The following PLCH1 variants were observed in gnomAD, a reference collection of about 807,000 sequenced individuals.
PLCH1 encodes the protein 1-phosphatidylinositol 4,5-bisphosphate phosphodiesterase eta-1.
PLCH1 carries 60 observed loss-of-function variants against 126.7 expected under a neutral mutation model. The observed-to-expected ratio is 0.47, with a 90% confidence interval of 0.38 to 0.59. PLCH1 has a LOEUF of 0.59. PLCH1 is among the 20% of genes least tolerant of loss of function. The pLI, the probability that PLCH1 is intolerant of heterozygous loss-of-function variation, is 0.00. For synonymous variants in PLCH1, 719 were observed against 734.9 expected (o/e 0.98, Z 0.35); for missense variants, 1,723 against 2,040.0 (o/e 0.84, Z 2.99).
intron 12 of PLCH1, among the ~76,000 whole-genome samples, chr3:155,513,256 A>G (rs142501197): frequency 6.6e-6 from 1 of 152,338 alleles, no homozygotes; most frequent in African/African-American, 2.4e-5. Flanking sequence ...AAAACATAGC[A>G]GTGTTAAAAA....
At chr3:155,469,369 G>T (rs530819621) in intron 21 of PLCH1, among the ~76,000 whole-genome samples, 1 of 152,192 alleles carries the variant, frequency 6.6e-6, no homozygotes, top group Non-Finnish European at 1.5e-5. Flanking sequence ...TTTTCGGACC[G>T]GCCTAAAAAA....
intron 2 of PLCH1, among the ~76,000 whole-genome samples, chr3:155,686,592 A>G (rs1343963785): frequency 6.6e-6 from 1 of 152,180 alleles, no homozygotes; most frequent in Non-Finnish European, 1.5e-5. Context: ...ACTTTCTAAC[A>G]GTTAGGTTAG....
At chr3:155,623,311 C>T (rs531912215) in intron 2 of PLCH1, among the ~76,000 whole-genome samples, 1 of 152,152 alleles carries the variant, frequency 6.6e-6, no homozygotes, top group African/African-American at 2.4e-5. Flanking sequence ...CAAGAAAGAT[C>T]TAAAATCGAT....
intron 2 of PLCH1, among the ~76,000 whole-genome samples, chr3:155,687,238 A>G (rs1226519302): frequency 6.6e-6 from 1 of 152,222 alleles, no homozygotes; most frequent in Non-Finnish European, 1.5e-5. Flanking sequence ...AAATAAAAAC[A>G]TCAAAAGTAT....
intron 5 of PLCH1, 58 bp from the exon 6 acceptor site, chr3:155,583,700 AC>A: frequency 8.3e-7 from 1 of 1,210,068 alleles, no homozygotes; most frequent in Non-Finnish European, 1.1e-6. Flanking sequence ...GAAATTCAGT[AC>A]TGGGAAATAA....
chr3:155,536,677 G>A (rs1723399238), intron 10 of PLCH1, among the ~76,000 whole-genome samples: 1 of 152,062 alleles, frequency 6.6e-6, no homozygotes, highest in African/African-American at 2.4e-5. Flanking sequence ...TTGGGATTAT[G>A]TTAAATGAAC....
chr3:155,596,197 T>G, intron 3 of PLCH1, 35 bp downstream of exon 3: 1 of 1,574,520 alleles, frequency 6.4e-7, no homozygotes, highest in Non-Finnish European at 8.7e-7. Flanking sequence ...TGTTACTATG[T>G]CCAGCCAAGC....
chr3:155,453,519 C>A lies in PLCH1; in HGVS notation c.2938+31837G>T, dbSNP rs1160540541. Among the ~76,000 whole-genome samples the A allele has an allele frequency of 2.6e-5, 4 of 152,014 alleles. No homozygotes were observed. The East Asian group carries it at 7.7e-4, about 29-fold the overall frequency. ...AAGTTCAAAAATGAAAAAATAAATT[C>A]AAAACATTACTTAAAGTAAATCATA... On this transcript the variant is annotated intron_variant, in intron 21 of 21. Coordinates refer to the PLCH1 transcript ENST00000494598.
chr3:155,705,964 C>G (rs530784777), intron 1 of PLCH1, among the ~76,000 whole-genome samples: 12 of 140,514 alleles, frequency 8.5e-5, no homozygotes, highest in Non-Finnish European at 1.7e-4. Context: ...TCACGAGGTC[C>G]AGAGATCGAG....
chr3:155,581,318 A>G (rs1730632224), intron 6 of PLCH1, among the ~76,000 whole-genome samples: 1 of 152,202 alleles, frequency 6.6e-6, no homozygotes, highest in Non-Finnish European at 1.5e-5. Flanking sequence ...AGACTTGACA[A>G]CGTATGTCCA....
At chr3:155,650,353 T>C (rs1740575769) in intron 2 of PLCH1, among the ~76,000 whole-genome samples, 2 of 152,132 alleles carry the variant, frequency 1.3e-5, no homozygotes, top group South Asian at 4.1e-4. Flanking sequence ...TATGATACAA[T>C]AATCTAATAG....
chr3:155,457,963 C>A (rs1712497876), intron 21 of PLCH1, among the ~76,000 whole-genome samples: 1 of 152,144 alleles, frequency 6.6e-6, no homozygotes, highest in South Asian at 2.1e-4. Flanking sequence ...AGTTCCCGTG[C>A]ACAGCTCCAA....
intron 10 of PLCH1, among the ~76,000 whole-genome samples, chr3:155,537,220 A>AAAAAAAAAAAAAAC (rs1723537885): frequency 8.2e-5 from 1 of 12,146 alleles, no homozygotes; most frequent in African/African-American, 1.2e-4. Flanking sequence ...AAAAAAAAAA[A>AAAAAAAAAAAAAAC]AAAAAAAAAA....
intron 18 of PLCH1, among the ~76,000 whole-genome samples, chr3:155,492,198 A>G (rs1347777440): frequency 4.7e-5 from 7 of 149,564 alleles, no homozygotes; most frequent in Non-Finnish European, 7.4e-5. Context: ...AGAAAACAGA[A>G]GCCAAGAAGG....
At chr3:155,512,155 A>C (rs2108222095) in intron 12 of PLCH1, among the ~76,000 whole-genome samples, 1 of 151,550 alleles carries the variant, frequency 6.6e-6, no homozygotes, top group Non-Finnish European at 1.5e-5. Context: ...TCGGAAAGGG[A>C]ACTCCCTGAC....
rs190831345 is a variant in PLCH1 at position 155,469,983 on chromosome 3, G to A, written c.2938+15373C>T. On this transcript the variant is annotated intron_variant, in intron 21 of 21. Transcript: ENST00000494598. Reference sequence around the variant, plus strand: ...AAACCACAAAGATAGGGAAAAAACAGAACAGAAAAACTGGAAACTCTAAAA... The same window carrying A: ...AAACCACAAAGATAGGGAAAAAACAAAACAGAAAAACTGGAAACTCTAAAA... Among the ~76,000 whole-genome samples, 178 of 152,284 alleles carry A rather than the reference G, an allele frequency of 1.2e-3. 3 individuals carry two copies. The East Asian group carries it at 0.03, about 26-fold the overall frequency.
At chr3:155,562,814 T>C (rs1246871648) in intron 8 of PLCH1, among the ~76,000 whole-genome samples, 2 of 152,154 alleles carry the variant, frequency 1.3e-5, no homozygotes, top group Admixed American at 1.3e-4. Context: ...TTATTCCACC[T>C]GAAAACAAAC....
chr3:155,505,687 T>TTGA (rs1380865566), intron 12 of PLCH1, among the ~76,000 whole-genome samples: 3 of 152,120 alleles, frequency 2.0e-5, no homozygotes, highest in Non-Finnish European at 4.4e-5. Context: ...TACAAGGTGA[T>TTGA]TGATGTTAGG....
chr3:155,575,106 G>A (rs980209009), intron 6 of PLCH1, among the ~76,000 whole-genome samples: 1 of 151,920 alleles, frequency 6.6e-6, no homozygotes, highest in Non-Finnish European at 1.5e-5. Flanking sequence ...ACTCCAGCCT[G>A]TGTGACAGAG....
Sources: gnomAD v4.1 joint callset for allele counts (sites outside exome capture counted in the v4.1 genomes callset) on GRCh38, gnomAD v4.1.1 for gene constraint, MANE v1.5 for transcripts, NCBI Gene and HGNC (gene_info 2026-07-23, HGNC 2026-07-21) for gene names.